FAM135B: variants seen among roughly 807,000 people sequenced by gnomAD.
The protein encoded by FAM135B is family with sequence similarity 135 member B.
FAM135B carries 43 observed loss-of-function variants against 127.7 expected under a neutral mutation model. The ratio of observed to expected loss-of-function variants is 0.34; its 90% CI spans 0.26 to 0.43. The LOEUF (loss-of-function observed/expected upper bound fraction) is 0.43. Ranked by LOEUF, FAM135B falls within the 20% of genes least tolerant of loss-of-function variation. The probability of loss-of-function intolerance (pLI) is 1.00; values close to 1 mark genes in which losing one functional copy is unlikely to be tolerated. For missense variants in FAM135B, 1,558 were observed against 1,725.6 expected (o/e 0.90, Z 1.72); for synonymous variants, 670 against 665.1 (o/e 1.01, Z -0.11).
At chr8:138,461,273 C>T (rs1837105377) in intron 1 of FAM135B, among the ~76,000 whole-genome samples, 1 of 152,070 alleles carries the variant, frequency 6.6e-6, no homozygotes, top group Non-Finnish European at 1.5e-5. Flanking sequence ...GACCAGGGTG[C>T]TGGGGATGCA....
intron 1 of FAM135B, among the ~76,000 whole-genome samples, chr8:138,406,604 T>C (rs1250742547): frequency 1.3e-5 from 2 of 152,228 alleles, no homozygotes; most frequent in Middle Eastern, 3.4e-3. Context: ...GCTGGTTCAA[T>C]ACATGCAAAT....
Position 138,177,375 on chromosome 8 carries a change from GT to G in FAM135B, c.1074del (p.Lys358AsnfsTer5). 1 of 1,613,772 alleles carries G rather than the reference GT, an allele frequency of 6.2e-7. No individual in the cohort carries two copies. Among genetic ancestry groups the G allele is most frequent in the South Asian group, 1.1e-5 (1 of 90,976 alleles). On this transcript the variant is annotated frameshift_variant, in exon 11 of 20. Coordinates refer to ENST00000395297, the MANE Select transcript of FAM135B (RefSeq NM_015912.4). LOFTEE classifies it high-confidence loss of function. ...TTCTCCTGAAATGTCAGGACTGCAA[GT>G]TTTTGGTGCTCCATGTAAAAGAAGG... is the stretch of plus-strand genomic sequence containing the variant. ...SEAFFYMEHQ[K>X]LAVLTFQENL...
At chr8:138,212,727 C>G (rs1199256578) in intron 7 of FAM135B, among the ~76,000 whole-genome samples, 2 of 152,140 alleles carry the variant, frequency 1.3e-5, no homozygotes, top group Non-Finnish European at 2.9e-5. Context: ...TCCATTTGTT[C>G]TTCATTAAAA....
chr8:138,363,137 G>A (rs2680743), intron 2 of FAM135B, among the ~76,000 whole-genome samples: 77,279 of 151,852 alleles, frequency 0.51, 21,529 homozygotes, highest in Non-Finnish European at 0.64. Context: ...AAAAGAAACT[G>A]GGAGGGTTTT....
intron 2 of FAM135B, among the ~76,000 whole-genome samples, chr8:138,311,679 T>G (rs1489587937): frequency 6.6e-6 from 1 of 152,160 alleles, no homozygotes; most frequent in African/African-American, 2.4e-5. Flanking sequence ...ATAAGGAAAA[T>G]GGACCATGAA....
chr8:138,209,511 G>C (rs1361865067), intron 7 of FAM135B, among the ~76,000 whole-genome samples: 1 of 152,168 alleles, frequency 6.6e-6, no homozygotes, highest in African/African-American at 2.4e-5. Flanking sequence ...CCAGATGTGG[G>C]CTGCCAGAGT....
At chr8:138,333,649 CCTT>C (rs1272311475) in intron 2 of FAM135B, among the ~76,000 whole-genome samples, 1 of 152,140 alleles carries the variant, frequency 6.6e-6, no homozygotes, top group Non-Finnish European at 1.5e-5. Context: ...ATATCATGCT[CCTT>C]CTTTCTGTCC....
At chr8:138,274,684 G>A (rs1023483955) in intron 3 of FAM135B, among the ~76,000 whole-genome samples, 2 of 152,062 alleles carry the variant, frequency 1.3e-5, no homozygotes, top group Non-Finnish European at 2.9e-5. Flanking sequence ...ACCACGCCCA[G>A]GGGAGCCAGT....
intron 19 of FAM135B, among the ~76,000 whole-genome samples, chr8:138,133,010 A>AT (rs138697492): frequency 0.039 from 5,875 of 152,272 alleles, 164 homozygotes; most frequent in Non-Finnish European, 0.057. Context: ...TCAGAAGGGG[A>AT]TTCCTAATAG....
chr8:138,232,441 C>A (rs1287147510), intron 7 of FAM135B, among the ~76,000 whole-genome samples: 1 of 152,106 alleles, frequency 6.6e-6, no homozygotes, highest in African/African-American at 2.4e-5. Flanking sequence ...ATTAAAGAAC[C>A]ATTTTTATTG....
At chr8:138,280,127 G>A (rs927846004) in intron 3 of FAM135B, among the ~76,000 whole-genome samples, 6 of 152,206 alleles carry the variant, frequency 3.9e-5, no homozygotes, top group South Asian at 2.1e-4. Context: ...CTGCACCCAC[G>A]GCCCTCTCTG....
In FAM135B at chr8:138,151,686, G is replaced by C. The variant is rs1563690481; in HGVS notation, c.2789C>G (p.Ser930Cys). ...GCTCAATTCAGGCACCTGATGTTGA[G>C]AGAGACCCTCAACCTCTGAGATGCC... ...NSGISEVEGL[S>C]QHQVPELSCT... Residue 930 changes from serine to cysteine, a missense_variant, in exon 13 of 20, where the codon TCT becomes TGT. Physicochemically the swap from Ser to Cys is moderately radical, Grantham distance 112. Transcript: ENST00000395297. 1 of 1,614,184 alleles carries C rather than the reference G, an allele frequency of 6.2e-7. No homozygotes were observed. The highest frequency in any genetic ancestry group is 8.5e-7 in the Non-Finnish European group (1 of 1,180,034).
intron 9 of FAM135B, among the ~76,000 whole-genome samples, chr8:138,183,011 T>C (rs1815215131): frequency 6.6e-6 from 1 of 151,780 alleles, no homozygotes; most frequent in African/African-American, 2.4e-5. Flanking sequence ...CCCCAACACC[T>C]TGTGTGCATA....
In FAM135B at chr8:138,141,748, G is replaced by A. The variant is rs1355784725; in HGVS notation, c.3639-399C>T. Among the ~76,000 whole-genome samples, 4 of 152,040 alleles carry A rather than the reference G, an allele frequency of 2.6e-5. No homozygotes were observed. Among genetic ancestry groups the A allele is most frequent in the Non-Finnish European group, 4.4e-5 (3 of 68,012 alleles). Reference sequence around the variant, plus strand: ...CCTGCTTGGGAGGCCATTCATATACGGATGGCCTCACAATGCCATTCATCC... The same window carrying A: ...CCTGCTTGGGAGGCCATTCATATACAGATGGCCTCACAATGCCATTCATCC... On this transcript the variant is annotated intron_variant, in intron 16 of 19. Coordinates refer to ENST00000395297, the MANE Select transcript of FAM135B (RefSeq NM_015912.4). This position sits in a 1 kb window ranked among gnomAD's most constrained non-coding sequence, Gnocchi z 4.7.
At chr8:138,408,631 G>A (rs532483885) in intron 1 of FAM135B, among the ~76,000 whole-genome samples, 1 of 152,218 alleles carries the variant, frequency 6.6e-6, no homozygotes, top group African/African-American at 2.4e-5. Flanking sequence ...ATGGCTGGGG[G>A]GCCTTAGGAA....
At chr8:138,285,307 C>T (rs747112333) in intron 3 of FAM135B, among the ~76,000 whole-genome samples, 39 of 151,764 alleles carry the variant, frequency 2.6e-4, no homozygotes, top group Non-Finnish European at 4.7e-4. Context: ...TCAACATGCC[C>T]GGCTAATTTT....
In FAM135B at chr8:138,275,002, T is replaced by C. The variant is rs1438833365; in HGVS notation, c.158-9160A>G. Among the ~76,000 whole-genome samples the C allele has an allele frequency of 2.0e-5, 3 of 152,094 alleles. No homozygotes were observed. The East Asian group carries it at 5.8e-4, about 29-fold the overall frequency. ...TATACATCCTCCTCAGCTGACAGGATTGAGAGATTAAAGTAAAGACAGGCA... is the reference window on the plus strand; with the variant it reads ...TATACATCCTCCTCAGCTGACAGGACTGAGAGATTAAAGTAAAGACAGGCA... On this transcript the variant is annotated intron_variant, in intron 3 of 19. Coordinates refer to ENST00000395297, the MANE Select transcript of FAM135B (RefSeq NM_015912.4).
At chr8:138,195,020 G>A (rs1816495641) in intron 9 of FAM135B, among the ~76,000 whole-genome samples, 1 of 152,136 alleles carries the variant, frequency 6.6e-6, no homozygotes, top group Non-Finnish European at 1.5e-5. Flanking sequence ...CCTAAGCTTC[G>A]GGGAAACAAA....
rs758787644 is a variant in FAM135B at position 138,256,668 on chromosome 8, A to G, written c.368+21T>C. On this transcript the variant is annotated intron_variant, in intron 5 of 19. Transcript: ENST00000395297. ...GGAGAGCACTGTGCTACTACAATTC[A>G]ATAATTTCCATGACACTCACTGCTG... 6 of 1,608,564 alleles carry G rather than the reference A, an allele frequency of 3.7e-6. No homozygotes were observed. In the Admixed American group the frequency reaches 8.3e-5, roughly 22 times the overall value.
Sources: allele counts gnomAD v4.1 joint callset (sites outside exome capture counted in the v4.1 genomes callset), GRCh38; gene constraint gnomAD v4.1.1; non-coding constraint Gnocchi (gnomAD v3.1); transcripts MANE v1.5; gene names NCBI Gene and HGNC (gene_info 2026-07-23, HGNC 2026-07-21).